GSE1: variants seen among roughly 807,000 people sequenced by gnomAD.
GSE1 encodes the protein genetic suppressor element 1.
Under a neutral mutation model 112.6 loss-of-function variants are expected in GSE1, and 32 were observed. That is an observed-to-expected ratio of 0.28 (90% CI 0.21 to 0.38). The LOEUF (loss-of-function observed/expected upper bound fraction) is 0.38. Ranked by LOEUF, GSE1 falls within the 10% of genes least tolerant of loss-of-function variation. The pLI is 1.00. For missense variants in GSE1, 2,348 were observed against 1,699.2 expected, an observed-to-expected ratio of 1.38 and a Z score of -6.71; for synonymous variants, 1,115 against 735.6, an observed-to-expected ratio of 1.52 and a Z score of -8.35.
intron 1 of GSE1, among the ~76,000 whole-genome samples, chr16:85,194,438 A>C (rs1472337810): frequency 6.6e-6 from 1 of 152,110 alleles, no homozygotes; most frequent in Non-Finnish European, 1.5e-5. Flanking sequence ...TTTTTCTAAG[A>C]GGTAAAAAGA....
rs184406469 is a variant in GSE1, at chr16:85,513,104, A to G, written c.2465-120810A>G. 1.6e-4 allele frequency among the ~76,000 whole-genome samples: 25 copies of G among 152,234 alleles called. No individual in the cohort carries two copies. In the East Asian group the frequency reaches 3.9e-3, roughly 24 times the overall value. Reference sequence around the variant, plus strand: ...TCTCCATCACTCTGCTCTGTGGTCCATCAGCCCATCTGGGGAGCTCCTCAC... The same window carrying G: ...TCTCCATCACTCTGCTCTGTGGTCCGTCAGCCCATCTGGGGAGCTCCTCAC... On this transcript the variant is annotated intron_variant, in intron 2 of 2. Coordinates refer to the GSE1 transcript ENST00000637419.
chr16:85,442,659 G>T (rs930148798), intron 2 of GSE1, among the ~76,000 whole-genome samples: 2 of 152,162 alleles, frequency 1.3e-5, no homozygotes, highest in African/African-American at 2.4e-5. Context: ...AACCCAGAGG[G>T]CACCCAGGTG....
At chr16:85,400,025 C>T (rs1057051340) in intron 2 of GSE1, among the ~76,000 whole-genome samples, 5 of 152,338 alleles carry the variant, frequency 3.3e-5, no homozygotes, top group South Asian at 2.1e-4. Context: ...GCAGGCCCAG[C>T]GCAAACACAG....
chr16:85,569,738 G>A (rs1236901152), intron 1 of GSE1, among the ~76,000 whole-genome samples: 2 of 152,178 alleles, frequency 1.3e-5, no homozygotes, highest in African/African-American at 4.8e-5. Flanking sequence ...TGCTTCTCAG[G>A]AACCGAAGAG....
At chr16:85,440,181 T>C (rs2049343292) in intron 2 of GSE1, among the ~76,000 whole-genome samples, 1 of 152,226 alleles carries the variant, frequency 6.6e-6, no homozygotes, top group Non-Finnish European at 1.5e-5. Flanking sequence ...AACCGTGTCT[T>C]GACTCAGCAA....
upstream of GSE1, chr16:85,555,895 C>A: frequency 6.2e-6 from 5 of 801,434 alleles, no homozygotes; most frequent in Non-Finnish European, 7.5e-6. Context: ...CTCACCTCCC[C>A]CCTTTATTTT....
At chr16:85,638,172 C>T (rs1038894565) in intron 2 of GSE1, among the ~76,000 whole-genome samples, 3 of 152,256 alleles carry the variant, frequency 2.0e-5, no homozygotes, top group Non-Finnish European at 2.9e-5. Context: ...CTCCGCGTCT[C>T]TCCTCTCATT....
intron 1 of GSE1, among the ~76,000 whole-genome samples, chr16:85,296,700 C>T (rs1259684428): frequency 1.3e-5 from 2 of 152,246 alleles, no homozygotes; most frequent in Non-Finnish European, 2.9e-5. Context: ...TGCAAACGAC[C>T]TGGGCTAACG....
intron 1 of GSE1, among the ~76,000 whole-genome samples, chr16:85,618,414 G>C (rs898696283): frequency 6.6e-6 from 1 of 152,210 alleles, no homozygotes; most frequent in African/African-American, 2.4e-5. Flanking sequence ...CTGGAGCGTG[G>C]GGTGAGCCCC....
At chr16:85,377,730 C>G (rs1417765022) in intron 2 of GSE1, among the ~76,000 whole-genome samples, 3 of 152,216 alleles carry the variant, frequency 2.0e-5, no homozygotes, top group South Asian at 2.1e-4. Flanking sequence ...GTGGCCGGCA[C>G]CAGGCCTAGC....
chr16:85,462,814 C>A (rs1166130479), intron 2 of GSE1, among the ~76,000 whole-genome samples: 3 of 145,098 alleles, frequency 2.1e-5, no homozygotes, highest in African/African-American at 7.4e-5. Context: ...GGGCGCGGGG[C>A]CGGGGGGCGG....
intron 2 of GSE1, among the ~76,000 whole-genome samples, chr16:85,466,373 G>C (rs1044402703): frequency 6.6e-6 from 1 of 152,236 alleles, no homozygotes; most frequent in Non-Finnish European, 1.5e-5. Flanking sequence ...GGCAGGGGCT[G>C]TGTGAACCCT....
intron 1 of GSE1, among the ~76,000 whole-genome samples, chr16:85,312,100 G>A (rs956697030): frequency 1.3e-5 from 2 of 151,080 alleles, no homozygotes; most frequent in African/African-American, 4.9e-5. Context: ...AGAACAGGAC[G>A]CTCAGACTCT....
chr16:85,461,828 A>ACCTCCCCTCCTCC (rs2049977168), intron 2 of GSE1, among the ~76,000 whole-genome samples: 1 of 144,954 alleles, frequency 6.9e-6, no homozygotes, highest in Non-Finnish European at 1.5e-5. Context: ...CCCCCTCCTC[A>ACCTCCCCTCCTCC]CCTCCCCTCC....
At chr16:85,653,869 T>A (rs2051661842) in intron 3 of GSE1, among the ~76,000 whole-genome samples, 2 of 152,212 alleles carry the variant, frequency 1.3e-5, no homozygotes, top group Non-Finnish European at 2.9e-5. Flanking sequence ...CTTCACGGCG[T>A]GCTGGGTGCC....
rs1487083682 is a variant in GSE1, at chr16:85,186,649, G to A, written c.2283+14842G>A. Among the ~76,000 whole-genome samples the A allele has an allele frequency of 2.6e-5, 4 of 151,514 alleles. No homozygotes were observed. In the East Asian group the frequency reaches 7.8e-4, roughly 29 times the overall value. ...TAGCCGTGTGTGGTGGCGCATGTCT[G>A]TGGTCCCAGCTAGTCAGGAGGCTGA... On this transcript the variant is annotated intron_variant, in intron 1 of 2. Transcript: ENST00000637419.
At chr16:85,452,025 C>T (rs1229626687) in intron 2 of GSE1, among the ~76,000 whole-genome samples, 7 of 151,710 alleles carry the variant, frequency 4.6e-5, no homozygotes, top group Non-Finnish European at 1.0e-4. Context: ...AAGCAAGAAG[C>T]GTCCCCACCC....
chr16:85,351,868 T>C (rs2046857242), intron 1 of GSE1, among the ~76,000 whole-genome samples: 1 of 152,100 alleles, frequency 6.6e-6, no homozygotes, highest in South Asian at 2.1e-4. Context: ...CGGCCACCTG[T>C]AGTCCCAGCT....
At chr16:85,251,970 C>T (rs1906533811) in intron 1 of GSE1, among the ~76,000 whole-genome samples, 1 of 152,204 alleles carries the variant, frequency 6.6e-6, no homozygotes, top group Non-Finnish European at 1.5e-5. Flanking sequence ...GAACTGCTGT[C>T]AGCTCCATTT....
Sources: gnomAD v4.1 joint callset for allele counts (sites outside exome capture counted in the v4.1 genomes callset) on GRCh38, gnomAD v4.1.1 for gene constraint, MANE v1.5 for transcripts, NCBI Gene and HGNC (gene_info 2026-07-23, HGNC 2026-07-21) for gene names.